Variants in MCM4 observed in about 807,000 individuals in gnomAD.
MCM4 encodes minichromosome maintenance complex component 4, also known as DNA replication licensing factor MCM4.
A neutral mutation model predicts 88.7 loss-of-function variants in MCM4; 60 were observed. The observed-to-expected ratio is 0.68, with a 90% CI of 0.55 to 0.84. MCM4 has a LOEUF of 0.84. Ranked by LOEUF, MCM4 falls within the 40% of genes least tolerant of loss-of-function variation. The pLI is 0.00. For missense variants in MCM4, 1,149 were observed against 1,105.5 expected (o/e 1.04, Z -0.56); for synonymous variants, 465 against 410.5 (o/e 1.13, Z -1.61).
intron 3 of MCM4, 123 bp downstream of exon 3, chr8:47,961,803 A>C: frequency 7.8e-7 from 1 of 1,284,538 alleles, no homozygotes; most frequent in Non-Finnish European, 1.1e-6. Context: ...CACGTGACTG[A>C]GCATGTTCTT....
In MCM4 at chr8:47,970,871, G is replaced by A. The variant is rs1427494369; in HGVS notation, c.1795G>A (p.Ala599Thr). ...EVMEQQTLSI[A>T]KAGIICQLNA... Reference sequence around the variant, plus strand: ...CATGGAACAGCAGACTCTGTCCATTGCAAAGGTGAGTCGCCTTCTCCACCG... The same window carrying A: ...CATGGAACAGCAGACTCTGTCCATTACAAAGGTGAGTCGCCTTCTCCACCG... The change falls in exon 12 of 17, where the codon GCA becomes ACA. Residue 599 changes from alanine (A) to threonine (T), a missense_variant. Around this residue, in one of 3 missense-constraint regions of MCM4, gnomAD observed 906 missense variants for 843.0 expected, o/e 1.07. Coordinates refer to ENST00000649973, the MANE Select transcript of MCM4 (RefSeq NM_182746.3). 6.3e-7 allele frequency: 1 copy of A among 1,587,780 alleles called. No homozygotes were observed. Among genetic ancestry groups the A allele is most frequent in the Non-Finnish European group, 8.6e-7 (1 of 1,163,386 alleles).
Position 47,971,446 on chromosome 8 carries a change from C to T in MCM4, c.1906C>T (p.Leu636=), listed in dbSNP as rs1394569860. The change falls in exon 13 of 17, where the codon CTG becomes TTG. Residue 636 remains leucine (L), a synonymous_variant. Coordinates refer to ENST00000649973, the MANE Select transcript of MCM4 (RefSeq NM_182746.3). Reference sequence around the variant, plus strand: ...AAAAACAACCATTGAAAACATCCAGCTGCCTCATACTTTATTATCAAGGTA... The same window carrying T: ...AAAAACAACCATTGAAAACATCCAGTTGCCTCATACTTTATTATCAAGGTA... ...PKKTTIENIQ[L]PHTLLSRFDL... The T allele has an allele frequency of 6.2e-7, 1 of 1,613,906 alleles. No individual in the cohort carries two copies. Among genetic ancestry groups the T allele is most frequent in the Non-Finnish European group, 8.5e-7 (1 of 1,179,900 alleles).
rs947349848 is a variant in MCM4 at position 47,975,054 on chromosome 8, T to C, written c.2365+92T>C. ...CAGATTTAAGCTAACAGTTAAATCA[T>C]TTGAAACAGAAGTTCTTAACCTTTT... is the stretch of plus-strand genomic sequence containing the variant. On this transcript the variant is annotated intron_variant, in intron 15 of 16. Coordinates refer to ENST00000649973, the MANE Select transcript of MCM4 (RefSeq NM_182746.3). The C allele has an allele frequency of 3.8e-6, 4 of 1,039,386 alleles. No homozygotes were observed. The African/African-American group carries it at 6.5e-5, about 17-fold the overall frequency. 64.4% of individuals were successfully genotyped at this position (1,039,386 alleles called of 1,614,324 possible). A position where few individuals can be genotyped will look rare whatever the true frequency, so the allele number is the denominator to read the frequency against.
intron 8 of MCM4, 84 bp downstream of exon 8, chr8:47,964,796 A>C (rs562675122): frequency 8.3e-7 from 1 of 1,204,796 alleles, no homozygotes; most frequent in Admixed American, 2.6e-5. Context: ...GAAATTATGA[A>C]AGAAGTAATT....
rs1433253412 is a variant in MCM4 at position 47,970,031 on chromosome 8, A to G, written c.1408A>G (p.Ile470Val). Residue 470 changes from isoleucine (I) to valine (V), a missense_variant, in exon 11 of 17, where the codon ATT becomes GTT. By Grantham distance (29) the Ile-to-Val change is conservative. Transcript: ENST00000649973. ...ERLASALAPS[I>V]YEHEDIKKGI... The stretch of plus-strand genomic sequence containing the variant: ...GCTTGCTTCAGCCTTGGCTCCAAGC[A>G]TTTATGAACATGAAGATATAAAGAA... 2.5e-6 allele frequency: 4 copies of G among 1,614,100 alleles called. No homozygotes were observed. The South Asian group carries it at 4.4e-5, about 18-fold the overall frequency.
chr8:47,976,648 G>T (rs1425387838), intron 16 of MCM4, 38 bp from the exon 17 acceptor site: 1 of 1,415,826 alleles, frequency 7.1e-7, no homozygotes, highest in Non-Finnish European at 1.0e-6. Context: ...GGAGGGACTT[G>T]ACGTGTACAA....
chr8:47,962,388 A>G lies in MCM4; in HGVS notation c.483A>G (p.Ala161=). Residue 161 remains alanine (A), a synonymous_variant, in exon 5 of 17, where the codon GCA becomes GCG. Coordinates refer to ENST00000649973, the MANE Select transcript of MCM4 (RefSeq NM_182746.3). ...VIWGTDVNVA[A]CKENFQRFLQ... ...GGGGAACAGATGTAAATGTGGCAGC[A>G]TGCAAAGAAAACTTTCAGGTGAGCT... 9.3e-6 allele frequency: 15 copies of G among 1,614,266 alleles called. No individual in the cohort carries two copies. Among genetic ancestry groups the G allele is most frequent in the Non-Finnish European group, 1.2e-5 (14 of 1,180,052 alleles).
intron 7 of MCM4, among the ~76,000 whole-genome samples, chr8:47,963,677 C>T (rs761414960): frequency 6.6e-6 from 1 of 152,128 alleles, no homozygotes; most frequent in African/African-American, 2.4e-5. Context: ...TACATACTTC[C>T]TGCTGCTTTG....
At chr8:47,964,771 C>T in intron 8 of MCM4, 59 bp downstream of exon 8, 1 of 1,381,828 alleles carries the variant, frequency 7.2e-7, no homozygotes, top group South Asian at 1.4e-5. Flanking sequence ...ATGAAAATAG[C>T]CTTGTTTTCA....
At chr8:47,965,732 G>A (rs1053094422) in intron 8 of MCM4, among the ~76,000 whole-genome samples, 2 of 152,232 alleles carry the variant, frequency 1.3e-5, no homozygotes, top group Admixed American at 6.5e-5. Flanking sequence ...AAGTATAGAG[G>A]ACTTTTTCTC....
Position 47,974,829 on chromosome 8 carries a change from T to C in MCM4, c.2232T>C (p.His744=), listed in dbSNP as rs143230680. The part of the protein sequence containing the change: ...LESLIRLAEA[H]AKVRLSNKVE... Reference sequence around the variant, plus strand: ...CATTAATCCGCTTAGCAGAAGCCCATGCTAAAGTAAGATTGTCTAACAAAG... The same window carrying C: ...CATTAATCCGCTTAGCAGAAGCCCACGCTAAAGTAAGATTGTCTAACAAAG... The change falls in exon 15 of 17, where the codon CAT becomes CAC. Residue 744 remains histidine, a synonymous_variant. Transcript: ENST00000649973. The C allele has an allele frequency of 8.7e-5, 141 of 1,614,118 alleles. No individual in the cohort carries two copies. Among genetic ancestry groups the C allele is most frequent in the Non-Finnish European group, 1.1e-4 (132 of 1,180,056 alleles).
At position 47,975,272 on chromosome 8, in the gene MCM4, G is replaced by A. The variant is rs1317186045; in HGVS notation, c.2365+310G>A. On this transcript the variant is annotated intron_variant, in intron 15 of 16. Transcript: ENST00000649973. ...TACGCATGTGCCATGTTGGTGTGCT[G>A]TACCCAGTAACTCGTCATTTAACAT... 1.2e-5 allele frequency: 3 copies of A among 241,030 alleles called. No homozygotes were observed. The East Asian group carries it at 3.2e-4, about 25-fold the overall frequency. The allele number at this position is 241,030 out of a possible 1,614,324, so 14.9% of individuals were successfully genotyped here.
chr8:47,973,411 A>G (rs2090973456), intron 14 of MCM4, among the ~76,000 whole-genome samples: 1 of 152,068 alleles, frequency 6.6e-6, no homozygotes. Flanking sequence ...CCTGACCTCA[A>G]GTGATGCGCC....
intron 8 of MCM4, 28 bp from the exon 9 acceptor site, chr8:47,966,159 T>C: frequency 6.4e-7 from 1 of 1,560,818 alleles, no homozygotes; most frequent in Non-Finnish European, 8.8e-7. Context: ...TCAGGTCAGG[T>C]GTGCTGACCT....
chr8:47,975,816 CT>C lies in MCM4; in HGVS notation c.2472del (p.Phe824LeufsTer10). 6.3e-7 allele frequency: 1 copy of C among 1,582,828 alleles called. No homozygotes were observed. The highest frequency in any genetic ancestry group is 1.2e-5 in the South Asian group (1 of 83,216). On this transcript the variant is annotated frameshift_variant, in exon 16 of 17. Coordinates refer to ENST00000649973, the MANE Select transcript of MCM4 (RefSeq NM_182746.3). LOFTEE classifies it high-confidence loss of function. ...AACACCAGCTCTAAAATACCAGCAA[CT>C]TTTTGAAGATATTCGGGGACAATCT... ...GKTPALKYQQ[L>X]FEDIRGQSDI...
intron 13 of MCM4, among the ~76,000 whole-genome samples, chr8:47,972,422 A>T (rs1280452567): frequency 6.6e-6 from 1 of 152,070 alleles, no homozygotes; most frequent in Non-Finnish European, 1.5e-5. Flanking sequence ...CCAGGCAAAG[A>T]TGCTTCTCCC....
rs1210917388 is a variant in MCM4, at chr8:47,967,438, A to G, written c.1127A>G (p.Asn376Ser). The G allele has an allele frequency of 1.2e-6, 2 of 1,614,154 alleles. No individual in the cohort carries two copies. The highest frequency in any genetic ancestry group is 1.1e-5 in the South Asian group (1 of 91,080). The change falls in exon 10 of 17, where the codon AAT (asparagine) becomes AGT (serine). Residue 376 changes from asparagine (N) to serine (S), a missense_variant. Around this residue, in one of 3 missense-constraint regions of MCM4, gnomAD observed 906 missense variants for 843.0 expected, o/e 1.07. Transcript: ENST00000649973. ...CACACAGTTATCCTGTTTGCTCACAATGATCTCGTTGACAAGGTCCAGCCT... is the reference window on the plus strand; with the variant it reads ...CACACAGTTATCCTGTTTGCTCACAGTGATCTCGTTGACAAGGTCCAGCCT... Reference protein sequence around the residue: ...TPHTVILFAHNDLVDKVQPGD... With the variant: ...TPHTVILFAHSDLVDKVQPGD...
chr8:47,972,173 T>C (rs1352416057), intron 13 of MCM4, among the ~76,000 whole-genome samples: 7 of 149,956 alleles, frequency 4.7e-5, no homozygotes, highest in African/African-American at 1.7e-4. Flanking sequence ...GGAGTGGAGA[T>C]TGCAGTGAGC....
chr8:47,970,789 C>CTG lies in MCM4; in HGVS notation c.1715_1716dup (p.Ile573ValfsTer8). 1 of 1,614,174 alleles carries CTG rather than the reference C, an allele frequency of 6.2e-7. No individual in the cohort carries two copies. The highest frequency in any genetic ancestry group is 8.5e-7 in the Non-Finnish European group (1 of 1,180,014). On this transcript the variant is annotated frameshift_variant, in exon 12 of 17. Transcript: ENST00000649973. LOFTEE classifies it high-confidence loss of function. ...TTGTCCTGAGTGACAACGGCATCTG[C>CTG]TGTATCGATGAGTTCGACAAGATGA...
Sources: gnomAD v4.1 joint callset for allele counts (sites outside exome capture counted in the v4.1 genomes callset) on GRCh38, gnomAD v4.1.1 for gene constraint, gnomAD v4.1.1 regional missense constraint, MANE v1.5 for transcripts, NCBI Gene and HGNC (gene_info 2026-07-23, HGNC 2026-07-21) for gene names.